The following HIGD1C variants were observed in gnomAD, a reference collection of about 807,000 sequenced individuals.
HIGD1C encodes HIG1 domain family member 1C.
Under a neutral mutation model 13.1 loss-of-function variants are expected in HIGD1C, and 11 were observed. The ratio of observed to expected loss-of-function variants is 0.84; its 90% CI spans 0.53 to 1.39. The LOEUF is 1.39. HIGD1C is among the 40% of genes most tolerant of loss of function. HIGD1C has a pLI of 0.00. For synonymous variants in HIGD1C, 36 were observed against 37.7 expected (o/e 0.95, Z 0.17); for missense variants, 110 against 112.0 (o/e 0.98, Z 0.08).
At chr12:50,933,966 C>T in the HIGD1C span, among the ~76,000 whole-genome samples, 1 of 152,214 alleles carries the variant, frequency 6.6e-6, no homozygotes, top group South Asian at 2.1e-4. Flanking sequence ...TTACCCTATA[C>T]TTACAAAACC....
chr12:50,961,048 C>T (rs1234033772), exon 2 of HIGD1C: 1 of 1,613,548 alleles, frequency 6.2e-7, no homozygotes, highest in Admixed American at 1.7e-5. Flanking sequence ...GTCAATTCAT[C>T]TTATTCACAT....
chr12:50,944,359 C>G, the HIGD1C span, among the ~76,000 whole-genome samples: 3 of 152,132 alleles, frequency 2.0e-5, no homozygotes, highest in African/African-American at 7.2e-5. Context: ...AACAAAATAA[C>G]ACACCAGGCC....
chr12:50,946,669 G>A, the HIGD1C span, among the ~76,000 whole-genome samples: 2 of 152,154 alleles, frequency 1.3e-5, no homozygotes, highest in South Asian at 4.1e-4. Context: ...GGAAGACAGT[G>A]TGGCAATTCC....
At chr12:50,934,040 T>C in the HIGD1C span, among the ~76,000 whole-genome samples, 1 of 152,352 alleles carries the variant, frequency 6.6e-6, no homozygotes, top group South Asian at 2.1e-4. Flanking sequence ...TTCTCCTTAC[T>C]TGTTGCAAGT....
At chr12:50,937,419 G>A in the HIGD1C span, among the ~76,000 whole-genome samples, 25 of 152,164 alleles carry the variant, frequency 1.6e-4, no homozygotes, top group Non-Finnish European at 2.8e-4. Flanking sequence ...CATTGACCCC[G>A]AAGCCTCAAA....
rs71089717 is a variant in HIGD1C at position 50,957,937 on chromosome 12, G to GGTGTGTGTGTGTGTGTGT, written c.95-3000_95-2983dup. ...GAGACTACTGTATTCATGAATTGGA[G>GGTGTGTGTGTGTGTGTGT]GTGTGTGTGTGTGTGTGTGTGTGTG... On this transcript the variant is annotated intron_variant, in intron 1 of 2. Transcript: ENST00000398455. Among the ~76,000 whole-genome samples the GGTGTGTGTGTGTGTGTGT allele has an allele frequency of 2.8e-3, 375 of 132,482 alleles. 11 individuals carry two copies. Among genetic ancestry groups the GGTGTGTGTGTGTGTGTGT allele is most frequent in the African/African-American group, 6.9e-3 (254 of 36,654 alleles). The allele number at this position is 132,482 out of a possible 152,430, so 86.9% of individuals were successfully genotyped here.
At chr12:50,956,517 T>G (rs1939102548) in intron 1 of HIGD1C, among the ~76,000 whole-genome samples, 1 of 152,240 alleles carries the variant, frequency 6.6e-6, no homozygotes, top group Non-Finnish European at 1.5e-5. Flanking sequence ...AAAACATTTT[T>G]TGTTGGTTAT....
At chr12:50,948,685 T>C in the HIGD1C span, among the ~76,000 whole-genome samples, 2 of 149,628 alleles carry the variant, frequency 1.3e-5, no homozygotes, top group African/African-American at 2.5e-5. Context: ...CTGACCAACG[T>C]GGTGAAACCC....
At chr12:50,954,921 T>C (rs1260695907) in intron 1 of HIGD1C, among the ~76,000 whole-genome samples, 1 of 152,172 alleles carries the variant, frequency 6.6e-6, no homozygotes, top group African/African-American at 2.4e-5. Flanking sequence ...GGCTGCTCAG[T>C]GGCCCTCTGT....
At chr12:50,938,198 A>AC in the HIGD1C span, among the ~76,000 whole-genome samples, 3 of 130,130 alleles carry the variant, frequency 2.3e-5, no homozygotes, top group East Asian at 2.4e-4. Context: ...GCACCCCTCC[A>AC]CCCCCCCACC....
upstream of HIGD1C, among the ~76,000 whole-genome samples, chr12:50,950,979 C>T (rs764408990): frequency 1.5e-4 from 22 of 150,270 alleles, no homozygotes; most frequent in African/African-American, 4.0e-4. Context: ...CCACCGCGCC[C>T]GGCCATAAGT....
At chr12:50,935,656 T>C in the HIGD1C span, among the ~76,000 whole-genome samples, 4 of 152,046 alleles carry the variant, frequency 2.6e-5, no homozygotes, top group Non-Finnish European at 5.9e-5. Context: ...ACCTGGTTAA[T>C]TTTTTTATTT....
At chr12:50,955,661 A>C (rs11169629) in intron 1 of HIGD1C, among the ~76,000 whole-genome samples, 11,362 of 152,296 alleles carry the variant, frequency 0.075, 784 homozygotes, top group East Asian at 0.28. Context: ...AAAGAATCAA[A>C]TTTTACTTTA....
chr12:50,944,717 T>A, the HIGD1C span, among the ~76,000 whole-genome samples: 3 of 152,102 alleles, frequency 2.0e-5, no homozygotes, highest in Non-Finnish European at 4.4e-5. Context: ...TGAAATCCCA[T>A]CTCTACTGAA....
chr12:50,963,369 C>CAAAAAAAAAAAAAAAAA (rs35764288), intron 2 of HIGD1C, among the ~76,000 whole-genome samples: 2 of 72,400 alleles, frequency 2.8e-5, no homozygotes, highest in Non-Finnish European at 5.4e-5. Context: ...GACTCCATCT[C>CAAAAAAAAAAAAAAAAA]AAAAAAAAAA....
At chr12:50,955,678 T>C (rs1203466556) in intron 1 of HIGD1C, among the ~76,000 whole-genome samples, 1 of 152,234 alleles carries the variant, frequency 6.6e-6, no homozygotes, top group Non-Finnish European at 1.5e-5. Context: ...TTTACAGTAA[T>C]ATTCTGTTTA....
the HIGD1C span, among the ~76,000 whole-genome samples, chr12:50,934,339 T>C: frequency 1.3e-5 from 2 of 152,222 alleles, no homozygotes; most frequent in Admixed American, 6.5e-5. Context: ...ATTGGTTGAG[T>C]CTGTGACCTT....
chr12:50,958,301 A>T (rs74657224), intron 1 of HIGD1C, among the ~76,000 whole-genome samples: 5 of 98,704 alleles, frequency 5.1e-5, no homozygotes, highest in Non-Finnish European at 6.2e-5. Flanking sequence ...TTTTTTTTTT[A>T]GACGGAGTCT....
At chr12:50,942,095 T>C in the HIGD1C span, among the ~76,000 whole-genome samples, 2,096 of 152,220 alleles carry the variant, frequency 0.014, 52 homozygotes, top group African/African-American at 0.047. Flanking sequence ...TTGCCCAGGC[T>C]GGTCTCAAAC....
Sources: allele counts gnomAD v4.1 joint callset (sites outside exome capture counted in the v4.1 genomes callset), GRCh38; gene constraint gnomAD v4.1.1; transcripts MANE v1.5; gene names NCBI Gene and HGNC (gene_info 2026-07-23, HGNC 2026-07-21).